Variants in D2HGDH observed in about 807,000 individuals in gnomAD.
The protein encoded by D2HGDH is D-2-hydroxyglutarate dehydrogenase.
In D2HGDH, 31 loss-of-function variants were observed where a neutral mutation model predicts 46.9. The ratio of observed to expected loss-of-function variants is 0.66; its 90% confidence interval spans 0.50 to 0.89. The LOEUF is 0.89. D2HGDH is among the 40% of genes least tolerant of loss of function. The pLI is 0.00. For missense variants in D2HGDH, 698 were observed against 720.8 expected (o/e 0.97, Z 0.36); for synonymous variants, 364 against 332.6 (o/e 1.09, Z -1.03).
intron 2 of D2HGDH, among the ~76,000 whole-genome samples, chr2:241,737,038 G>C (rs918729494): frequency 6.7e-6 from 1 of 150,188 alleles, no homozygotes; most frequent in African/African-American, 2.5e-5. Flanking sequence ...GCGTGATCTC[G>C]GCTTACTGCA....
At chr2:241,756,450 ATCT>A (rs2125159507) in intron 9 of D2HGDH, among the ~76,000 whole-genome samples, 1 of 152,366 alleles carries the variant, frequency 6.6e-6, no homozygotes, top group South Asian at 2.1e-4. Context: ...CGTTCAGATC[ATCT>A]TTTTTCTGCA....
Position 241,735,454 on chromosome 2 carries a change from G to C in D2HGDH, c.230G>C (p.Gly77Ala). 1.9e-6 allele frequency: 3 copies of C among 1,609,736 alleles called. No individual in the cohort carries two copies. Among genetic ancestry groups the C allele is most frequent in the Non-Finnish European group, 2.5e-6 (3 of 1,179,684 alleles). The part of the protein sequence containing the change: ...LAAFERIVPG[G>A]VVTDPEALQA... The stretch of plus-strand genomic sequence containing the variant: ...GCCTTTGAGCGCATCGTGCCCGGCG[G>C]GGTCGTCACGGACCCGGAAGCGCTG... The change falls in exon 2 of 10, where the codon GGG becomes GCG. Residue 77 changes from glycine (G) to alanine (A), a missense_variant. Coordinates refer to ENST00000321264, the MANE Select transcript of D2HGDH (RefSeq NM_152783.5).
In D2HGDH at chr2:241,755,915, G is replaced by A. The variant is rs367686483; in HGVS notation, c.1207G>A (p.Asp403Asn). The A allele has an allele frequency of 5.0e-6, 8 of 1,612,984 alleles. No individual in the cohort carries two copies. Among genetic ancestry groups the A allele is most frequent in the African/African-American group, 4.0e-5 (3 of 74,920 alleles). The change falls in exon 9 of 10, where the codon GAC becomes AAC. Residue 403 changes from aspartate (D) to asparagine (N), a missense_variant. Asp to Asn is a conservative substitution (Grantham distance 23). Coordinates refer to ENST00000321264, the MANE Select transcript of D2HGDH (RefSeq NM_152783.5). Reference sequence around the variant, plus strand: ...CCGGGATGGCTACGTGTACAAGTACGACCTCTCCCTCCCTGTGGAGCGGCT... The same window carrying A: ...CCGGGATGGCTACGTGTACAAGTACAACCTCTCCCTCCCTGTGGAGCGGCT... ...LSRDGYVYKY[D>N]LSLPVERLYD...
In D2HGDH at chr2:241,748,970, C is replaced by T. The variant is rs754334980; in HGVS notation, c.854-1181C>T. ...CTCAGACAGGAGTCACTCGCCTCTTCGTGCCACGCCCACGTCTAAGCCGGG... is the reference window on the plus strand; with the variant it reads ...CTCAGACAGGAGTCACTCGCCTCTTTGTGCCACGCCCACGTCTAAGCCGGG... On this transcript the variant is annotated intron_variant, in intron 6 of 9. Transcript: ENST00000321264. 5 of 1,271,012 alleles carry T rather than the reference C, an allele frequency of 3.9e-6. No homozygotes were observed. The South Asian group carries it at 5.1e-5, about 13-fold the overall frequency. 78.7% of individuals were successfully genotyped at this position (1,271,012 alleles called of 1,614,324 possible).
Position 241,765,159 on chromosome 2 carries a change from G to C in D2HGDH, c.1307-2551G>C, listed in dbSNP as rs143282659. ...CACTGCGGACCCCTCCATCCGACCA[G>C]GTGCTGGGGATACAGACTGGAAGAC... On this transcript the variant is annotated intron_variant, in intron 9 of 9. Transcript: ENST00000321264. Among the ~76,000 whole-genome samples, 1,421 of 152,344 alleles carry C rather than the reference G, an allele frequency of 9.3e-3. 27 individuals carry two copies. The highest frequency in any genetic ancestry group is 0.033 in the African/African-American group (1,374 of 41,574).
Position 241,735,142 on chromosome 2 carries a change from C to G in D2HGDH, c.-83C>G. On this transcript the variant is annotated 5_prime_UTR_variant, in exon 2 of 10. Coordinates refer to ENST00000321264, the MANE Select transcript of D2HGDH (RefSeq NM_152783.5). ...CCTTGGCCACTTCCAGGCGCGCAGC[C>G]AGCGGCTCCCTGCCCTTCCCCTCCG... 1 of 1,379,562 alleles carries G rather than the reference C, an allele frequency of 7.2e-7. No homozygotes were observed. Among genetic ancestry groups the G allele is most frequent in the Non-Finnish European group, 9.4e-7 (1 of 1,063,526 alleles). 85.5% of individuals were successfully genotyped at this position (1,379,562 alleles called of 1,614,324 possible). A position where few individuals can be genotyped will look rare whatever the true frequency, so the allele number is the denominator to read the frequency against.
At chr2:241,755,626 G>C (rs1232107840) in intron 8 of D2HGDH, 1 of 1,527,864 alleles carries the variant, frequency 6.5e-7, no homozygotes, top group South Asian at 1.2e-5. Flanking sequence ...GCCACACCTG[G>C]TCTGGGGCAT....
rs1345270517 is a variant in D2HGDH, at chr2:241,743,478, TG to T, written c.491-139del. 2 of 844,566 alleles carry T rather than the reference TG, an allele frequency of 2.4e-6. No individual in the cohort carries two copies. 52.3% of individuals were successfully genotyped at this position (844,566 alleles called of 1,614,324 possible). A position where few individuals can be genotyped will look rare whatever the true frequency, so the allele number is the denominator to read the frequency against. On this transcript the variant is annotated intron_variant, in intron 4 of 9. Coordinates refer to ENST00000321264, the MANE Select transcript of D2HGDH (RefSeq NM_152783.5). The surrounding 1 kb of genome is among the most constrained non-coding windows in gnomAD (Gnocchi z 4.8). ...TGTTTTCGTCCTTGGGCCAGCGATG[TG>T]GGGGTGCCTCTTCTCCTCAGCCCTG...
chr2:241,765,132 G>A (rs1217471160), intron 9 of D2HGDH, among the ~76,000 whole-genome samples: 4 of 152,182 alleles, frequency 2.6e-5, no homozygotes, highest in Non-Finnish European at 5.9e-5. Flanking sequence ...TGCCCTGGGC[G>A]CCACTGCGGA....
At position 241,745,095 on chromosome 2, in the gene D2HGDH, G is replaced by C. The variant is rs368794231; in HGVS notation, c.853+218G>C. On this transcript the variant is annotated intron_variant, in intron 6 of 9. Coordinates refer to ENST00000321264, the MANE Select transcript of D2HGDH (RefSeq NM_152783.5). The stretch of plus-strand genomic sequence containing the variant: ...AAGGTGTAGAGTGAGGCCTCTCTCT[G>C]TCTCTGGTCAGAGGACACTTCATTT... Among the ~76,000 whole-genome samples, 10 of 151,968 alleles carry C rather than the reference G, an allele frequency of 6.6e-5. No individual in the cohort carries two copies. In the East Asian group the frequency reaches 7.7e-4, roughly 12 times the overall value.
At chr2:241,765,226 C>T (rs1359758399) in intron 9 of D2HGDH, among the ~76,000 whole-genome samples, 1 of 152,222 alleles carries the variant, frequency 6.6e-6, no homozygotes, top group Non-Finnish European at 1.5e-5. Flanking sequence ...AGTGGCAGGC[C>T]ATGCGGTAAC....
chr2:241,764,799 T>C (rs1267145234), intron 9 of D2HGDH, among the ~76,000 whole-genome samples: 2 of 152,236 alleles, frequency 1.3e-5, no homozygotes, highest in Non-Finnish European at 2.9e-5. Flanking sequence ...GCTGTCCTTG[T>C]CTGGGCAGCC....
chr2:241,740,912 C>T, intron 2 of D2HGDH, 121 bp from the exon 3 acceptor site: 1 of 790,530 alleles, frequency 1.3e-6, no homozygotes, highest in Non-Finnish European at 2.2e-6. Flanking sequence ...GGCACTTCAG[C>T]CTGGGCAACA....
Position 241,743,777 on chromosome 2 carries a change from T to C in D2HGDH, c.646T>C (p.Tyr216His). 1 of 1,609,314 alleles carries C rather than the reference T, an allele frequency of 6.2e-7. No individual in the cohort carries two copies. Among genetic ancestry groups the C allele is most frequent in the Non-Finnish European group, 8.5e-7 (1 of 1,178,198 alleles). Residue 216 changes from tyrosine to histidine, a missense_variant, in exon 5 of 10, where the codon TAT becomes CAT. Coordinates refer to ENST00000321264, the MANE Select transcript of D2HGDH (RefSeq NM_152783.5). The surrounding 1 kb of genome is among the most constrained non-coding windows in gnomAD (Gnocchi z 4.8). Reference protein sequence around the residue: ...TNAGGLRFLRYGSLHGTVLGL... With the variant: ...TNAGGLRFLRHGSLHGTVLGL... ...CGCTGGAGGCCTGCGGTTTCTTCGA[T>C]ATGGCTCACTGCATGGGACTGTCCT...
chr2:241,755,577 C>A (rs1440465941), intron 8 of D2HGDH: 7 of 1,467,518 alleles, frequency 4.8e-6, no homozygotes, highest in Non-Finnish European at 4.6e-6. Context: ...GTCGTGGAGC[C>A]TGGGACATTC....
chr2:241,765,140 G>A (rs920228706), intron 9 of D2HGDH, among the ~76,000 whole-genome samples: 8 of 152,208 alleles, frequency 5.3e-5, no homozygotes, highest in African/African-American at 1.9e-4. Flanking sequence ...GCGCCACTGC[G>A]GACCCCTCCA....
chr2:241,735,375 C>T lies in D2HGDH; in HGVS notation c.151C>T (p.Arg51Cys), dbSNP rs1692475468. 6.3e-7 allele frequency: 1 copy of T among 1,580,284 alleles called. No individual in the cohort carries two copies. Among genetic ancestry groups the T allele is most frequent in the Non-Finnish European group, 8.6e-7 (1 of 1,167,208 alleles). The change falls in exon 2 of 10, where the codon CGC (arginine) becomes TGC (cysteine). Residue 51 changes from arginine (R) to cysteine (C), a missense_variant. Arg to Cys is a radical substitution (Grantham distance 180, BLOSUM62 -3). Coordinates refer to ENST00000321264, the MANE Select transcript of D2HGDH (RefSeq NM_152783.5). Reference protein sequence around the residue: ...GTPEVPLTRERYPVRRLPFST... With the variant: ...GTPEVPLTRECYPVRRLPFST... ...CCCCGAGGTGCCGCTGACCCGGGAGCGCTACCCCGTGCGGCGCTTGCCGTT... is the reference window on the plus strand; with the variant it reads ...CCCCGAGGTGCCGCTGACCCGGGAGTGCTACCCCGTGCGGCGCTTGCCGTT...
chr2:241,749,721 G>A (rs1042043831), intron 6 of D2HGDH: 6 of 330,706 alleles, frequency 1.8e-5, no homozygotes, highest in South Asian at 9.8e-5. Context: ...GTTCTTCGGC[G>A]CCTTCCCCTC....
intron 2 of D2HGDH, among the ~76,000 whole-genome samples, chr2:241,737,720 A>G (rs911136467): frequency 7.9e-5 from 12 of 152,322 alleles, no homozygotes; most frequent in South Asian, 2.1e-4. Context: ...GTGAAACTCT[A>G]TCTCTACAGA....
Sources: gnomAD v4.1 joint callset for allele counts (sites outside exome capture counted in the v4.1 genomes callset) on GRCh38, gnomAD v4.1.1 for gene constraint, Gnocchi (gnomAD v3.1) non-coding constraint, MANE v1.5 for transcripts, NCBI Gene and HGNC (gene_info 2026-07-23, HGNC 2026-07-21) for gene names.